Variants in SESTD1 observed in about 807,000 individuals in gnomAD.
SESTD1 encodes SEC14 and spectrin domain containing 1, also known as SEC14 domain and spectrin repeat-containing protein 1.
SESTD1 carries 43 observed loss-of-function variants against 101.7 expected under a neutral mutation model. The ratio of observed to expected loss-of-function variants is 0.42; its 90% CI spans 0.33 to 0.55. The LOEUF is 0.55. SESTD1 is among the 20% of genes least tolerant of loss of function. The pLI is 0.07. For synonymous variants in SESTD1, 283 were observed against 286.8 expected, an observed-to-expected ratio of 0.99 and a Z score of 0.13; for missense variants, 647 against 815.1, an observed-to-expected ratio of 0.79 and a Z score of 2.51.
At chr2:179,177,618 T>C (rs1279569360) in intron 3 of SESTD1, among the ~76,000 whole-genome samples, 2 of 152,080 alleles carry the variant, frequency 1.3e-5, no homozygotes, top group African/African-American at 4.8e-5. Context: ...GAAATGAGGA[T>C]GATATTGCTA....
At chr2:179,145,673 G>A (rs2045379582) in intron 8 of SESTD1, among the ~76,000 whole-genome samples, 3 of 152,338 alleles carry the variant, frequency 2.0e-5, no homozygotes, top group Non-Finnish European at 4.4e-5. Context: ...GGTGATAAGT[G>A]TTTTTACATC....
intron 1 of SESTD1, among the ~76,000 whole-genome samples, chr2:179,244,466 A>AG (rs1314600553): frequency 5.2e-5 from 7 of 134,638 alleles, no homozygotes; most frequent in African/African-American, 1.5e-4. Flanking sequence ...CTCAAAAAAA[A>AG]CAAACCAACA....
intron 12 of SESTD1, among the ~76,000 whole-genome samples, chr2:179,122,210 G>GA (rs1278769434): frequency 3.3e-5 from 5 of 152,158 alleles, no homozygotes; most frequent in African/African-American, 1.2e-4. Flanking sequence ...TTTAAAAAAT[G>GA]AAAGCAGAAG....
chr2:179,169,312 A>G (rs1288574169), intron 5 of SESTD1, among the ~76,000 whole-genome samples: 1 of 152,172 alleles, frequency 6.6e-6, no homozygotes, highest in Non-Finnish European at 1.5e-5. Context: ...ATATCAGACA[A>G]TGTACATTTC....
intron 1 of SESTD1, among the ~76,000 whole-genome samples, chr2:179,249,750 T>C (rs1158318469): frequency 6.6e-6 from 1 of 152,020 alleles, no homozygotes; most frequent in East Asian, 1.9e-4. Flanking sequence ...ACCCAATAAA[T>C]GAATAAAACA....
intron 9 of SESTD1, among the ~76,000 whole-genome samples, chr2:179,136,554 T>C (rs545526296): frequency 3.9e-5 from 6 of 152,302 alleles, no homozygotes; most frequent in South Asian, 4.1e-4. Context: ...AATACAGATA[T>C]AGAAACATAG....
chr2:179,143,126 C>T (rs1326449296), intron 9 of SESTD1, among the ~76,000 whole-genome samples: 4 of 151,826 alleles, frequency 2.6e-5, no homozygotes, highest in African/African-American at 9.7e-5. Context: ...AATTAAAATT[C>T]CTAATAACTA....
chr2:179,198,379 A>G (rs1574029391), intron 1 of SESTD1, among the ~76,000 whole-genome samples: 1 of 152,202 alleles, frequency 6.6e-6, no homozygotes, highest in African/African-American at 2.4e-5. Context: ...CCCCACTGTC[A>G]ACATTAGACA....
At chr2:179,152,802 T>C (rs1018730133) in intron 5 of SESTD1, among the ~76,000 whole-genome samples, 1 of 152,110 alleles carries the variant, frequency 6.6e-6, no homozygotes, top group Non-Finnish European at 1.5e-5. Context: ...AAGTCTTAAA[T>C]ATTTATATGA....
intron 1 of SESTD1, among the ~76,000 whole-genome samples, chr2:179,215,717 A>G (rs1329573210): frequency 7.4e-6 from 1 of 135,126 alleles, no homozygotes; most frequent in East Asian, 2.0e-4. Flanking sequence ...AATATCCCCG[A>G]TGAACACTGA....
chr2:179,191,173 C>T (rs532939943), intron 2 of SESTD1, among the ~76,000 whole-genome samples: 25 of 152,268 alleles, frequency 1.6e-4, no homozygotes, highest in African/African-American at 6.0e-4. Flanking sequence ...ACAGAATCAA[C>T]TTAGGTGCCC....
At position 179,172,222 on chromosome 2, in the gene SESTD1, T is replaced by C. The variant is rs1002063625; in HGVS notation, c.267A>G (p.Pro89=). The change falls in exon 5 of 18, where the codon CCA becomes CCG. Residue 89 remains proline (P), a synonymous_variant. Coordinates refer to ENST00000428443, the MANE Select transcript of SESTD1 (RefSeq NM_178123.5). ...CCACACAAACAAGGGACACCTCAGC[T>C]GGAACAACATTCTATAAAATACAGA... ...TVVVMLQNVV[P]AEVSLVCVVK... is the part of the protein sequence containing the mutation. 7.5e-6 allele frequency: 12 copies of C among 1,594,134 alleles called. No homozygotes were observed. The highest frequency in any genetic ancestry group is 1.0e-5 in the Non-Finnish European group (12 of 1,167,164).
chr2:179,188,716 G>GA (rs920256603), intron 2 of SESTD1, among the ~76,000 whole-genome samples: 4 of 151,050 alleles, frequency 2.6e-5, no homozygotes, highest in African/African-American at 7.3e-5. Context: ...GACTAAGAAA[G>GA]AAAAAAAAGA....
chr2:179,132,033 T>C (rs1407647757), intron 10 of SESTD1: 1 of 240,574 alleles, frequency 4.2e-6, no homozygotes, highest in East Asian at 8.8e-5. Context: ...ATTATCACTC[T>C]TTTTTCTGTC....
intron 5 of SESTD1, among the ~76,000 whole-genome samples, chr2:179,164,164 A>G (rs565814263): frequency 1.3e-5 from 2 of 152,286 alleles, no homozygotes; most frequent in East Asian, 3.9e-4. Flanking sequence ...TTGTTGAAGA[A>G]TATTTTTCTC....
At chr2:179,224,506 T>C (rs2046856151) in intron 1 of SESTD1, among the ~76,000 whole-genome samples, 1 of 152,196 alleles carries the variant, frequency 6.6e-6, no homozygotes. Flanking sequence ...ATCTCTAAAG[T>C]GCTAAGTGTC....
At chr2:179,154,080 C>CAAAA (rs748598701) in intron 5 of SESTD1, among the ~76,000 whole-genome samples, 8 of 60,742 alleles carry the variant, frequency 1.3e-4, no homozygotes, top group African/African-American at 2.9e-4. Context: ...CCAATCTCTA[C>CAAAA]AAAAAAAAAA....
chr2:179,124,405 G>T lies in SESTD1; in HGVS notation c.1126C>A (p.Leu376Ile). Residue 376 changes from leucine to isoleucine, a missense_variant, in exon 11 of 18, where the codon CTC becomes ATC. Physicochemically the swap from Leu to Ile is conservative, Grantham distance 5. Around this residue, in one of 3 missense-constraint regions of SESTD1, gnomAD observed 476 missense variants for 562.6 expected, o/e 0.85. Transcript: ENST00000428443. Reference protein sequence around the residue: ...QASQLEFRQNLLQAALEFHGV... With the variant: ...QASQLEFRQNILQAALEFHGV... ...TGAAATTCAAGAGCTGCTTGTAAGA[G>T]ATTTTGCCTAAATTCCAGCTGACTG... 1 of 1,614,116 alleles carries T rather than the reference G, an allele frequency of 6.2e-7. No individual in the cohort carries two copies. Among genetic ancestry groups the T allele is most frequent in the Non-Finnish European group, 8.5e-7 (1 of 1,179,996 alleles).
intron 10 of SESTD1, among the ~76,000 whole-genome samples, chr2:179,129,895 A>G (rs1040169311): frequency 6.6e-6 from 1 of 152,192 alleles, no homozygotes; most frequent in Non-Finnish European, 1.5e-5. Flanking sequence ...TGGGAAGAAT[A>G]GTGTAATGAA....
Sources: gnomAD v4.1 joint callset for allele counts (sites outside exome capture counted in the v4.1 genomes callset) on GRCh38, gnomAD v4.1.1 for gene constraint, gnomAD v4.1.1 regional missense constraint, MANE v1.5 for transcripts, NCBI Gene and HGNC (gene_info 2026-07-23, HGNC 2026-07-21) for gene names.